Variants in DLEC1 observed in about 807,000 individuals in gnomAD.
DLEC1 encodes the protein DLEC1 cilia and flagella associated protein.
A neutral mutation model predicts 198.1 loss-of-function variants in DLEC1; 146 were observed. The ratio of observed to expected loss-of-function variants is 0.74; its 90% confidence interval spans 0.64 to 0.85. DLEC1 has a LOEUF of 0.85. Among genes scored for constraint, DLEC1 ranks in the 40% least tolerant of loss-of-function variants. The probability of loss-of-function intolerance (pLI) is 0.00; values close to 1 mark genes in which losing one functional copy is unlikely to be tolerated. For missense variants in DLEC1, 2,233 were observed against 2,220.0 expected (o/e 1.01, Z -0.12); for synonymous variants, 897 against 866.8 (o/e 1.03, Z -0.61).
chr3:38,123,151 C>A lies in DLEC1; in HGVS notation c.*739C>A, dbSNP rs182939941. ...TGAAAACAAAACTTAATTGGCTGGG[C>A]AAAGGCACCCACCAAATTACCTCCA... On this transcript the variant is annotated 3_prime_UTR_variant, in exon 37 of 37. Coordinates refer to ENST00000308059, the MANE Select transcript of DLEC1 (RefSeq NM_007335.4). 2.1e-5 allele frequency: 34 copies of A among 1,609,028 alleles called. No individual in the cohort carries two copies. In the East Asian group the frequency reaches 7.1e-4, roughly 34 times the overall value.
rs376778634 is a variant in DLEC1 at position 38,088,308 on chromosome 3, G to C, written c.1585G>C (p.Val529Leu). 1 of 1,613,846 alleles carries C rather than the reference G, an allele frequency of 6.2e-7. No homozygotes were observed. ...GCTTTTCTTTAAGGCCATTGCAACC[G>C]TCGGCTTTGTTGAACAACCTCCTTT... Reference protein sequence around the residue: ...PPLSFKAIATVGFVEQPPFGI... With the variant: ...PPLSFKAIATLGFVEQPPFGI... The change falls in exon 10 of 37, where the codon GTC becomes CTC. Residue 529 changes from valine (V) to leucine (L), a missense_variant. Physicochemically the swap from Val to Leu is conservative, Grantham distance 32. Transcript: ENST00000308059.
At chr3:38,075,093 C>G (rs971993088) in intron 6 of DLEC1, among the ~76,000 whole-genome samples, 5 of 151,782 alleles carry the variant, frequency 3.3e-5, no homozygotes, top group Non-Finnish European at 5.9e-5. Flanking sequence ...TGGCCATGAG[C>G]AGCCTGAGGA....
Position 38,045,711 on chromosome 3 carries a change from C to T in DLEC1, c.562+18C>T. 2 of 1,593,904 alleles carry T rather than the reference C, an allele frequency of 1.3e-6. No individual in the cohort carries two copies. The highest frequency in any genetic ancestry group is 1.8e-5 in the Admixed American group (1 of 56,338). The stretch of plus-strand genomic sequence containing the variant: ...GCCTCCAGGTGTGTATAAAGAACTC[C>T]CACATGCCTGCCCAATTCCCGGGCT... On this transcript the variant is annotated intron_variant, in intron 2 of 36. Coordinates refer to ENST00000308059, the MANE Select transcript of DLEC1 (RefSeq NM_007335.4).
At chr3:38,085,468 C>T (rs757335702) in intron 8 of DLEC1, 21 bp downstream of exon 8, 19 of 1,611,992 alleles carry the variant, frequency 1.2e-5, no homozygotes, top group Non-Finnish European at 1.6e-5. Context: ...ACCGTAGCTT[C>T]CCACAGATTC....
In DLEC1 at chr3:38,042,040, T is replaced by C. The variant is rs188629012; in HGVS notation, c.411+2404T>C. Reference sequence around the variant, plus strand: ...CAGAGTCTCGCTCTGTTGCCCAGTCTGGAGTGCAGTGCCACGATCTTGGCT... The same window carrying C: ...CAGAGTCTCGCTCTGTTGCCCAGTCCGGAGTGCAGTGCCACGATCTTGGCT... On this transcript the variant is annotated intron_variant, in intron 1 of 36. Transcript: ENST00000308059. Among the ~76,000 whole-genome samples the C allele has an allele frequency of 5.3e-3, 810 of 152,194 alleles. 11 individuals carry two copies. Among genetic ancestry groups the C allele is most frequent in the African/African-American group, 0.018 (727 of 41,508 alleles).
chr3:38,082,372 C>T (rs1199361212), intron 6 of DLEC1, among the ~76,000 whole-genome samples: 1 of 149,844 alleles, frequency 6.7e-6, no homozygotes, highest in East Asian at 2.0e-4. Context: ...GGCAGAGACA[C>T]TCCTCACTTC....
chr3:38,097,233 G>T lies in DLEC1; in HGVS notation c.2392G>T (p.Asp798Tyr). 3 of 1,587,788 alleles carry T rather than the reference G, an allele frequency of 1.9e-6. No homozygotes were observed. Among genetic ancestry groups the T allele is most frequent in the South Asian group, 2.3e-5 (2 of 87,336 alleles). ...CAGATACCTGTGGGGGAAGATCAGC[G>T]ACTGCCACATCATTGAAGTGGAGCC... Reference protein sequence around the residue: ...PIRYLWGKISDCHIIEVEPGT... With the variant: ...PIRYLWGKISYCHIIEVEPGT... Residue 798 changes from aspartate (D) to tyrosine (Y), a missense_variant, in exon 16 of 37, where the codon GAC becomes TAC. Physicochemically the swap from Asp to Tyr is radical, Grantham distance 160 (BLOSUM62 -3). Coordinates refer to ENST00000308059, the MANE Select transcript of DLEC1 (RefSeq NM_007335.4).
At chr3:38,052,327 A>G in intron 2 of DLEC1, 1 of 380,562 alleles carries the variant, frequency 2.6e-6, no homozygotes, top group East Asian at 6.2e-5. Flanking sequence ...GTACCTGCAC[A>G]GCAAGCTCTG....
At chr3:38,120,773 G>A (rs1700410600) in intron 34 of DLEC1, among the ~76,000 whole-genome samples, 164 bp downstream of exon 34, 2 of 152,182 alleles carry the variant, frequency 1.3e-5, no homozygotes, top group Admixed American at 6.5e-5. Context: ...TGTGCAGAGA[G>A]ATGAGGGCCA....
chr3:38,085,244 ATCC>A, intron 7 of DLEC1, 27 bp from the exon 8 acceptor site: 2 of 1,613,720 alleles, frequency 1.2e-6, no homozygotes, highest in Non-Finnish European at 1.7e-6. Context: ...TGCTCCCAGG[ATCC>A]TCACTTGTCA....
chr3:38,062,892 C>A, intron 5 of DLEC1, 91 bp downstream of exon 5: 1 of 1,374,756 alleles, frequency 7.3e-7, no homozygotes, highest in South Asian at 1.3e-5. Context: ...GTAGAGGTCC[C>A]TAGACTTGTG....
chr3:38,051,496 G>T (rs1305157180), intron 2 of DLEC1, among the ~76,000 whole-genome samples: 2 of 152,224 alleles, frequency 1.3e-5, no homozygotes, highest in African/African-American at 4.8e-5. Context: ...TGCCACAGGG[G>T]AGAGGCCAGA....
intron 10 of DLEC1, among the ~76,000 whole-genome samples, chr3:38,090,541 A>G (rs1435876375): frequency 2.0e-5 from 3 of 152,204 alleles, no homozygotes; most frequent in African/African-American, 2.4e-5. Context: ...ATTGACCTGA[A>G]GATTTTTTTC....
Position 38,065,733 on chromosome 3 carries a change from C to G in DLEC1, c.1173+1814C>G, listed in dbSNP as rs73825487. On this transcript the variant is annotated intron_variant, in intron 6 of 36. Coordinates refer to ENST00000308059, the MANE Select transcript of DLEC1 (RefSeq NM_007335.4). ...ATTAATAATGATTCCTTAATATCAA[C>G]TAATACCCATCTATGTCTGATCTTC... Among the ~76,000 whole-genome samples the G allele has an allele frequency of 1.4e-3, 217 of 152,308 alleles. 1 individual carries two copies. Among genetic ancestry groups the G allele is most frequent in the African/African-American group, 5.0e-3 (209 of 41,570 alleles).
At position 38,062,814 on chromosome 3, in the gene DLEC1, C is replaced by T; in HGVS notation, c.1094+13C>T. 3 of 1,611,360 alleles carry T rather than the reference C, an allele frequency of 1.9e-6. No individual in the cohort carries two copies. Among genetic ancestry groups the T allele is most frequent in the Non-Finnish European group, 2.5e-6 (3 of 1,179,058 alleles). On this transcript the variant is annotated intron_variant, in intron 5 of 36. Transcript: ENST00000308059. ...AGCCAGAACAGAGGTATGTCTTTCT[C>T]TGGCTTGAACTCTCAGAAAACCTGG...
Position 38,045,610 on chromosome 3 carries a change from A to T in DLEC1, c.479A>T (p.Gln160Leu). ...EMLERHITQA[Q>L]ARAIAENERV... ...TTGGAGAGACATATCACTCAGGCCC[A>T]AGCACGGGCTATTGCGGAAAATGAG... The change falls in exon 2 of 37, where the codon CAA (glutamine) becomes CTA (leucine). Residue 160 changes from glutamine (Q) to leucine (L), a missense_variant. Coordinates refer to ENST00000308059, the MANE Select transcript of DLEC1 (RefSeq NM_007335.4). 2 of 1,614,160 alleles carry T rather than the reference A, an allele frequency of 1.2e-6. No homozygotes were observed. The highest frequency in any genetic ancestry group is 2.2e-5 in the South Asian group (2 of 91,078).
chr3:38,040,030 C>A (rs957667977), intron 1 of DLEC1, among the ~76,000 whole-genome samples: 1 of 152,186 alleles, frequency 6.6e-6, no homozygotes, highest in African/African-American at 2.4e-5. Flanking sequence ...GCCATTCATG[C>A]GCAGATTTTA....
chr3:38,120,280 AGTAGGTGCTGGGCAGC>A (rs1700381072), intron 33 of DLEC1, among the ~76,000 whole-genome samples, 152 bp from the exon 34 acceptor site: 2 of 152,170 alleles, frequency 1.3e-5, no homozygotes, highest in African/African-American at 2.4e-5. Context: ...TGCTGGGCAG[AGTAGGTGCTGGGCAGC>A]GCTTGTGGAA....
At position 38,114,977 on chromosome 3, in the gene DLEC1, C is replaced by A. The variant is rs1261872545; in HGVS notation, c.3786-6C>A. The stretch of plus-strand genomic sequence containing the variant: ...GCTGTACTGAGTCCAGTCTGTCCCC[C>A]TCCAGGTTCGGCACCCAGGTCTCCG... On this transcript the variant is annotated splice_polypyrimidine_tract_variant and splice_region_variant and intron_variant, in intron 26 of 36. Transcript: ENST00000308059. 2 of 1,613,088 alleles carry A rather than the reference C, an allele frequency of 1.2e-6. No individual in the cohort carries two copies. Among genetic ancestry groups the A allele is most frequent in the African/African-American group, 2.7e-5 (2 of 75,058 alleles).
Sources: gnomAD v4.1 joint callset for allele counts (sites outside exome capture counted in the v4.1 genomes callset) on GRCh38, gnomAD v4.1.1 for gene constraint, MANE v1.5 for transcripts, NCBI Gene and HGNC (gene_info 2026-07-23, HGNC 2026-07-21) for gene names.